Variants in ANKS1B observed in about 807,000 individuals in gnomAD.
The protein encoded by ANKS1B is ankyrin repeat and sterile alpha motif domain containing 1B, also known as ankyrin repeat and sterile alpha motif domain-containing protein 1B.
Under a neutral mutation model 148.3 loss-of-function variants are expected in ANKS1B, and 36 were observed. The observed-to-expected ratio is 0.24, with a 90% CI of 0.19 to 0.32. The LOEUF is 0.32. Among genes scored for constraint, ANKS1B ranks in the 10% least tolerant of loss-of-function variants. The pLI is 1.00. For synonymous variants in ANKS1B, 542 were observed against 560.8 expected (o/e 0.97, Z 0.47); for missense variants, 1,157 against 1,542.6 (o/e 0.75, Z 4.19).
chr12:99,367,866 G>A (rs1323827301), intron 12 of ANKS1B, among the ~76,000 whole-genome samples: 1 of 151,924 alleles, frequency 6.6e-6, no homozygotes, highest in African/African-American at 2.4e-5. Flanking sequence ...GAATAAAGTA[G>A]GGAATAGATG....
intron 8 of ANKS1B, among the ~76,000 whole-genome samples, chr12:99,713,831 A>T (rs2056950242): frequency 6.6e-6 from 1 of 152,118 alleles, no homozygotes; most frequent in South Asian, 2.1e-4. Context: ...ATGCTCCTCA[A>T]CATTCTTCCA....
intron 13 of ANKS1B, among the ~76,000 whole-genome samples, chr12:99,245,911 AAG>A (rs1401685392): frequency 2.0e-5 from 3 of 152,190 alleles, no homozygotes; most frequent in Admixed American, 1.3e-4. Context: ...CAAACTAACA[AAG>A]AGTTTGGCAA....
intron 14 of ANKS1B, among the ~76,000 whole-genome samples, chr12:99,232,487 ATT>A (rs1342107256): frequency 6.6e-6 from 1 of 152,192 alleles, no homozygotes; most frequent in African/African-American, 2.4e-5. Flanking sequence ...TGAGCGCTTG[ATT>A]ACTCTGCATG....
intron 12 of ANKS1B, among the ~76,000 whole-genome samples, chr12:99,249,418 T>C (rs1042819662): frequency 1.3e-5 from 2 of 152,232 alleles, no homozygotes; most frequent in South Asian, 4.1e-4. Context: ...CTTTACACTG[T>C]CCAAGTCCTC....
chr12:99,898,914 T>C (rs1355011615), intron 1 of ANKS1B, among the ~76,000 whole-genome samples: 1 of 152,178 alleles, frequency 6.6e-6, no homozygotes, highest in African/African-American at 2.4e-5. Flanking sequence ...GCAAAAACAC[T>C]ATCTCATATT....
chr12:99,664,070 A>G (rs1270004919), intron 8 of ANKS1B, among the ~76,000 whole-genome samples: 2 of 152,124 alleles, frequency 1.3e-5, no homozygotes, highest in Non-Finnish European at 2.9e-5. Flanking sequence ...GAAAGAGCTA[A>G]GTCTAAACTG....
chr12:98,926,369 C>T (rs192409427), intron 17 of ANKS1B, among the ~76,000 whole-genome samples: 4 of 152,288 alleles, frequency 2.6e-5, no homozygotes, highest in African/African-American at 9.6e-5. Context: ...ACTAAACAAA[C>T]AGCAGCTGCA....
chr12:99,922,800 AG>A (rs35893749), intron 1 of ANKS1B, among the ~76,000 whole-genome samples: 50,738 of 151,822 alleles, frequency 0.33, 9,045 homozygotes, highest in African/African-American at 0.44. Flanking sequence ...AATGACATTA[AG>A]GTAGGAATGG....
chr12:99,301,304 C>T (rs2081569041), intron 12 of ANKS1B, among the ~76,000 whole-genome samples: 1 of 152,154 alleles, frequency 6.6e-6, no homozygotes, highest in South Asian at 2.1e-4. Flanking sequence ...GAAATGTTTA[C>T]CAGCTCTCTG....
intron 15 of ANKS1B, among the ~76,000 whole-genome samples, chr12:99,145,635 A>G (rs2072783641): frequency 6.6e-6 from 1 of 152,092 alleles, no homozygotes; most frequent in South Asian, 2.1e-4. Flanking sequence ...AAGAGGTAAG[A>G]TAAAGTCTCT....
chr12:99,373,827 C>T (rs1344396945), intron 12 of ANKS1B, among the ~76,000 whole-genome samples: 2 of 152,082 alleles, frequency 1.3e-5, no homozygotes, highest in African/African-American at 2.4e-5. Flanking sequence ...AAAGGGTGGA[C>T]TGGATTAAAG....
intron 17 of ANKS1B, among the ~76,000 whole-genome samples, chr12:98,992,547 T>C (rs985656099): frequency 1.1e-4 from 16 of 152,328 alleles, no homozygotes; most frequent in African/African-American, 3.8e-4. Context: ...GTGAGGAAGG[T>C]GCCTGCTTCC....
chr12:98,952,586 C>T (rs1425713999), intron 17 of ANKS1B, among the ~76,000 whole-genome samples: 1 of 152,128 alleles, frequency 6.6e-6, no homozygotes, highest in Non-Finnish European at 1.5e-5. Context: ...GGACCCTCGG[C>T]GATCAATACC....
chr12:99,581,034 A>G (rs1292806259), intron 9 of ANKS1B, among the ~76,000 whole-genome samples: 4 of 152,188 alleles, frequency 2.6e-5, no homozygotes, highest in African/African-American at 9.6e-5. Context: ...TATAATTTCT[A>G]TATATTATAG....
intron 12 of ANKS1B, among the ~76,000 whole-genome samples, chr12:99,310,364 G>C (rs1566861660): frequency 6.6e-6 from 1 of 152,118 alleles, no homozygotes; most frequent in Non-Finnish European, 1.5e-5. Context: ...GGATGTTTAT[G>C]TGAGGGTATT....
chr12:99,898,959 C>G (rs930838915), intron 1 of ANKS1B, among the ~76,000 whole-genome samples: 1 of 152,138 alleles, frequency 6.6e-6, no homozygotes, highest in Non-Finnish European at 1.5e-5. Flanking sequence ...ATCAATGAGT[C>G]TAGTCCTCTC....
At chr12:99,636,123 G>T (rs985615903) in intron 9 of ANKS1B, among the ~76,000 whole-genome samples, 1 of 151,756 alleles carries the variant, frequency 6.6e-6, no homozygotes, top group Non-Finnish European at 1.5e-5. Flanking sequence ...ATTTTTAACA[G>T]ACAAAGTCTG....
intron 12 of ANKS1B, among the ~76,000 whole-genome samples, chr12:99,323,955 G>A (rs73383329): frequency 0.12 from 18,575 of 151,828 alleles, 2,914 homozygotes; most frequent in African/African-American, 0.37. Flanking sequence ...TTTTGAGGGC[G>A]ATGTACTTAA....
intron 4 of ANKS1B, among the ~76,000 whole-genome samples, chr12:99,798,357 T>A (rs899134173): frequency 1.3e-5 from 2 of 150,866 alleles, no homozygotes; most frequent in African/African-American, 4.9e-5. Flanking sequence ...AGAATGGCAT[T>A]TAACTCAGAA....
Sources: allele counts gnomAD v4.1 joint callset (sites outside exome capture counted in the v4.1 genomes callset), GRCh38; gene constraint gnomAD v4.1.1; transcripts MANE v1.5; gene names NCBI Gene and HGNC (gene_info 2026-07-23, HGNC 2026-07-21).